The following FIRRM variants were observed in gnomAD, a reference collection of about 807,000 sequenced individuals.
FIRRM encodes the protein FIGNL1 interacting regulator of recombination and mitosis, also known as FIGNL1-interacting regulator of recombination and mitosis.
the FIRRM span, among the ~76,000 whole-genome samples, chr1:169,806,241 T>A: frequency 3.9e-5 from 6 of 152,244 alleles, no homozygotes; most frequent in African/African-American, 1.4e-4. Flanking sequence ...ATTCTACATG[T>A]AGCTCTCAAG....
the FIRRM span, chr1:169,830,412 T>C: frequency 1.5e-6 from 2 of 1,323,906 alleles, no homozygotes; most frequent in Non-Finnish European, 1.1e-6. Flanking sequence ...AATTTTATAA[T>C]TGTAAGCTTA....
the FIRRM span, among the ~76,000 whole-genome samples, chr1:169,811,276 G>A: frequency 6.6e-6 from 1 of 152,092 alleles, no homozygotes; most frequent in South Asian, 2.1e-4. Context: ...TTAGAAATTT[G>A]TATTATTCAG....
the FIRRM span, among the ~76,000 whole-genome samples, chr1:169,843,410 T>C: frequency 6.6e-6 from 1 of 152,222 alleles, no homozygotes; most frequent in African/African-American, 2.4e-5. Context: ...AGACTTAAAT[T>C]TGGATTTCAG....
At chr1:169,796,544 C>G in the FIRRM span, among the ~76,000 whole-genome samples, 1 of 152,232 alleles carries the variant, frequency 6.6e-6, no homozygotes, top group Non-Finnish European at 1.5e-5. Context: ...GTTTCTGATT[C>G]CAAACTATGT....
the FIRRM span, among the ~76,000 whole-genome samples, chr1:169,799,522 T>G: frequency 1.6e-4 from 24 of 152,322 alleles, 1 homozygote; most frequent in Admixed American, 1.6e-3. Flanking sequence ...TCATTTATAA[T>G]TTGAATCTAC....
the FIRRM span, chr1:169,850,974 G>A: frequency 0.031 from 2,986 of 95,968 alleles, 109 homozygotes; most frequent in South Asian, 0.082. Context: ...TATAATTTAG[G>A]CATGGCTTTT....
chr1:169,795,906 T>A, the FIRRM span: 1 of 985,402 alleles, frequency 1.0e-6, no homozygotes, highest in Non-Finnish European at 1.2e-6. Context: ...AGCGCCTTCT[T>A]CGTCCGGGTG....
At chr1:169,807,980 C>T in the FIRRM span, 1 of 1,542,108 alleles carries the variant, frequency 6.5e-7, no homozygotes, top group Non-Finnish European at 8.8e-7. Context: ...TTTTCTTTGG[C>T]AGTTAGTAAA....
At chr1:169,808,046 G>T in the FIRRM span, 1 of 1,036,978 alleles carries the variant, frequency 9.6e-7, no homozygotes, top group Admixed American at 2.7e-5. Context: ...TATTTCATTT[G>T]GGTGTTTTTT....
the FIRRM span, among the ~76,000 whole-genome samples, chr1:169,787,099 C>T: frequency 6.6e-6 from 1 of 152,152 alleles, no homozygotes; most frequent in East Asian, 1.9e-4. Flanking sequence ...ATCTAAGGCT[C>T]TTGAATGGGG....
chr1:169,836,794 G>A, the FIRRM span: 149 of 599,888 alleles, frequency 2.5e-4, 3 homozygotes, highest in South Asian at 3.5e-3. Flanking sequence ...ACCTTGGTCT[G>A]GAATGTAGAT....
chr1:169,849,561 T>C, the FIRRM span: 1 of 1,613,952 alleles, frequency 6.2e-7, no homozygotes, highest in Non-Finnish European at 8.5e-7. Context: ...AGGAGTTGGC[T>C]GCTAGAACAA....
the FIRRM span, among the ~76,000 whole-genome samples, chr1:169,787,273 C>T: frequency 6.6e-6 from 1 of 152,336 alleles, no homozygotes. Flanking sequence ...TTCACCTTGA[C>T]AGATTCTTTC....
chr1:169,812,781 C>T, the FIRRM span, among the ~76,000 whole-genome samples: 1 of 151,258 alleles, frequency 6.6e-6, no homozygotes, highest in Non-Finnish European at 1.5e-5. Context: ...CACTTGAACC[C>T]AGGAGGTGGA....
At chr1:169,805,598 T>G in the FIRRM span, among the ~76,000 whole-genome samples, 2 of 152,212 alleles carry the variant, frequency 1.3e-5, no homozygotes, top group Non-Finnish European at 2.9e-5. Flanking sequence ...TACCACAGAC[T>G]GAGTAAAAGC....
the FIRRM span, among the ~76,000 whole-genome samples, chr1:169,838,346 T>A: frequency 4.4e-4 from 67 of 152,198 alleles, no homozygotes; most frequent in Non-Finnish European, 6.0e-4. Flanking sequence ...GTGTACCAAT[T>A]TCTATAGTAA....
the FIRRM span, chr1:169,826,923 C>T: frequency 2.6e-6 from 2 of 757,508 alleles, no homozygotes; most frequent in African/African-American, 3.5e-5. Flanking sequence ...TTATAAAATG[C>T]ACACTTATTT....
the FIRRM span, among the ~76,000 whole-genome samples, chr1:169,824,704 CTT>C: frequency 6.6e-6 from 1 of 152,102 alleles, no homozygotes; most frequent in Non-Finnish European, 1.5e-5. Context: ...TTTTTGAACA[CTT>C]TGTTCTGTTG....
the FIRRM span, among the ~76,000 whole-genome samples, chr1:169,805,104 T>G: frequency 6.6e-6 from 1 of 152,262 alleles, no homozygotes; most frequent in African/African-American, 2.4e-5. Context: ...CATTCAAAAC[T>G]TTGGTATAAA....
Sources: allele counts gnomAD v4.1 joint callset (sites outside exome capture counted in the v4.1 genomes callset), GRCh38; gene constraint gnomAD v4.1.1; transcripts MANE v1.5; gene names NCBI Gene and HGNC (gene_info 2026-07-23, HGNC 2026-07-21).